The following CNGB3 variants were observed in gnomAD, a reference collection of about 807,000 sequenced individuals.
CNGB3 encodes cyclic nucleotide-gated channel beta-3.
CNGB3 carries 86 observed loss-of-function variants against 92.8 expected under a neutral mutation model. That is an observed-to-expected ratio of 0.93 (90% CI 0.78 to 1.11). The LOEUF is 1.11. CNGB3 is among the 50% of genes least tolerant of loss of function. The pLI, the probability that CNGB3 is intolerant of heterozygous loss-of-function variation, is 0.00. For synonymous variants in CNGB3, 333 were observed against 332.7 expected (o/e 1.00, Z -0.01); for missense variants, 1,026 against 956.8 (o/e 1.07, Z -0.95).
chr8:86,644,906 C>T (rs1251229130), intron 8 of CNGB3, among the ~76,000 whole-genome samples: 2 of 150,468 alleles, frequency 1.3e-5, no homozygotes, highest in African/African-American at 4.9e-5. Context: ...TTATTGCTAC[C>T]CTGTAGTTAT....
intron 3 of CNGB3, among the ~76,000 whole-genome samples, chr8:86,704,733 T>C (rs959108099): frequency 6.6e-6 from 1 of 152,202 alleles, no homozygotes; most frequent in Non-Finnish European, 1.5e-5. Flanking sequence ...ATAGTTCTTT[T>C]CATACAGCAC....
chr8:86,590,986 G>A (rs1286518505), intron 15 of CNGB3, among the ~76,000 whole-genome samples: 6 of 152,148 alleles, frequency 3.9e-5, no homozygotes, highest in East Asian at 3.9e-4. Flanking sequence ...CCAATCAGAC[G>A]TAGATTTGGT....
intron 1 of CNGB3, among the ~76,000 whole-genome samples, chr8:86,741,292 T>C (rs1183068612): frequency 6.6e-6 from 1 of 152,186 alleles, no homozygotes; most frequent in Non-Finnish European, 1.5e-5. Context: ...TATTTGAAAT[T>C]GGAGATAAAC....
At chr8:86,638,125 A>G (rs934619329) in intron 10 of CNGB3, among the ~76,000 whole-genome samples, 1 of 152,064 alleles carries the variant, frequency 6.6e-6, no homozygotes, top group African/African-American at 2.4e-5. Flanking sequence ...TCACCTATGG[A>G]TGAATACCTA....
chr8:86,668,030 T>G lies in CNGB3; in HGVS notation c.632A>C (p.Asp211Ala). 1 of 1,614,126 alleles carries G rather than the reference T, an allele frequency of 6.2e-7. No individual in the cohort carries two copies. Among genetic ancestry groups the G allele is most frequent in the Non-Finnish European group, 8.5e-7 (1 of 1,180,022 alleles). ...CCCTTTGATAATACCTGTGTATGAA[T>G]CTATGCTGTTTGGAAGTTTAATTCG... ...LKRIKLPNSIDSYTDRLYLLW... is the reference protein window; with the variant it reads ...LKRIKLPNSIASYTDRLYLLW... Residue 211 changes from aspartate to alanine, a missense_variant, in exon 5 of 18, where the codon GAT becomes GCT. Transcript: ENST00000320005.
intron 3 of CNGB3, among the ~76,000 whole-genome samples, chr8:86,700,925 C>T (rs1824544253): frequency 6.6e-6 from 1 of 152,196 alleles, no homozygotes; most frequent in Admixed American, 6.5e-5. Flanking sequence ...CAGGCGTGAG[C>T]CACTGTGCCC....
At chr8:86,587,341 A>C (rs1256296041) in intron 15 of CNGB3, among the ~76,000 whole-genome samples, 5 of 152,078 alleles carry the variant, frequency 3.3e-5, no homozygotes, top group East Asian at 3.9e-4. Context: ...CTTTAGTTTA[A>C]TTAGATCCCA....
At chr8:86,634,332 C>T (rs895514024) in intron 10 of CNGB3, among the ~76,000 whole-genome samples, 2 of 152,104 alleles carry the variant, frequency 1.3e-5, no homozygotes. Flanking sequence ...TGTAGACTAA[C>T]ATAATTGTTC....
At chr8:86,632,456 G>T (rs1284420101) in intron 11 of CNGB3, among the ~76,000 whole-genome samples, 1 of 152,022 alleles carries the variant, frequency 6.6e-6, no homozygotes, top group East Asian at 1.9e-4. Flanking sequence ...GTAAATAAAA[G>T]AGATTTTAAT....
intron 15 of CNGB3, among the ~76,000 whole-genome samples, chr8:86,595,989 C>G (rs79207794): frequency 0.021 from 3,180 of 152,146 alleles, 118 homozygotes; most frequent in African/African-American, 0.071. Context: ...AACCAGATAT[C>G]TAAAACATAC....
intron 10 of CNGB3, among the ~76,000 whole-genome samples, chr8:86,635,863 T>TACATACAC (rs1823060942): frequency 1.8e-5 from 1 of 54,942 alleles, no homozygotes; most frequent in Non-Finnish European, 3.3e-5. Flanking sequence ...TATATATATA[T>TACATACAC]ACACATACAC....
At chr8:86,690,584 T>C (rs1338112007) in intron 3 of CNGB3, among the ~76,000 whole-genome samples, 4 of 152,236 alleles carry the variant, frequency 2.6e-5, no homozygotes, top group Non-Finnish European at 5.9e-5. Context: ...TTGTCAATTT[T>C]GGCTTTTGTT....
At chr8:86,644,084 A>G (rs1187710812) in intron 9 of CNGB3, among the ~76,000 whole-genome samples, 1 of 151,052 alleles carries the variant, frequency 6.6e-6, no homozygotes, top group Non-Finnish European at 1.5e-5. Flanking sequence ...TAAAGAAAAA[A>G]AAAAGAAAAA....
chr8:86,617,959 C>A (rs1363991746), intron 13 of CNGB3, among the ~76,000 whole-genome samples: 1 of 90,330 alleles, frequency 1.1e-5, no homozygotes, highest in African/African-American at 3.2e-5. Flanking sequence ...TACATCTCAC[C>A]ATAATGTAGA....
At chr8:86,662,307 T>C (rs1823657456) in intron 6 of CNGB3, among the ~76,000 whole-genome samples, 1 of 152,242 alleles carries the variant, frequency 6.6e-6, no homozygotes, top group Admixed American at 6.5e-5. Context: ...ACTGAGATTA[T>C]CATTCATTCA....
intron 13 of CNGB3, among the ~76,000 whole-genome samples, chr8:86,612,461 C>T (rs1042867998): frequency 6.6e-6 from 1 of 152,136 alleles, no homozygotes; most frequent in Non-Finnish European, 1.5e-5. Context: ...TGTGGGTGGT[C>T]CTGTCCACCC....
Position 86,575,750 on chromosome 8 carries a change from T to G in CNGB3, c.*54A>C. The G allele has an allele frequency of 6.6e-7, 1 of 1,508,586 alleles. No homozygotes were observed. The highest frequency in any genetic ancestry group is 1.1e-5 in the South Asian group (1 of 87,602). The allele number at this position is 1,508,586 out of a possible 1,614,324, so 93.5% of individuals were successfully genotyped here. A position where few individuals can be genotyped will look rare whatever the true frequency, so the allele number is the denominator to read the frequency against. ...CCCTCGTTAATTTAAGTTACAATCC[T>G]AGGTACAATCACTTTGGGAACTAGC... On this transcript the variant is annotated 3_prime_UTR_variant, in exon 18 of 18. Transcript: ENST00000320005.
intron 2 of CNGB3, among the ~76,000 whole-genome samples, chr8:86,730,132 G>A (rs946883744): frequency 3.3e-5 from 5 of 152,178 alleles, no homozygotes; most frequent in Admixed American, 2.6e-4. Context: ...GTCTCACACT[G>A]AGCCTGTGTA....
At chr8:86,651,155 G>T (rs1193219998) in intron 7 of CNGB3, among the ~76,000 whole-genome samples, 2 of 151,244 alleles carry the variant, frequency 1.3e-5, no homozygotes, top group Non-Finnish European at 3.0e-5. Context: ...TTGAAGACCA[G>T]AAGGGGGGGT....
Sources: gnomAD v4.1 joint callset for allele counts (sites outside exome capture counted in the v4.1 genomes callset) on GRCh38, gnomAD v4.1.1 for gene constraint, MANE v1.5 for transcripts, NCBI Gene and HGNC (gene_info 2026-07-23, HGNC 2026-07-21) for gene names.